CPNE8: variants seen among roughly 807,000 people sequenced by gnomAD.
CPNE8 encodes copine 8.
CPNE8 carries 45 observed loss-of-function variants against 81.5 expected under a neutral mutation model. The ratio of observed to expected loss-of-function variants is 0.55; its 90% CI spans 0.44 to 0.71. The LOEUF (loss-of-function observed/expected upper bound fraction) is 0.71, where lower values mean the gene tolerates loss of function less well. Among genes scored for constraint, CPNE8 ranks in the 30% least tolerant of loss-of-function variants. CPNE8 has a pLI of 0.00. For missense variants in CPNE8, 594 were observed against 672.1 expected (o/e 0.88, Z 1.28); for synonymous variants, 252 against 226.3 (o/e 1.11, Z -1.02).
chr12:38,763,649 A>G lies in CPNE8; in HGVS notation c.576-1433T>C, dbSNP rs190175305. The stretch of plus-strand genomic sequence containing the variant: ...CAAATTCCAGTGTCATTTCCACAAA[A>G]CTATTCAATCTTAAGACATCAATCA... On this transcript the variant is annotated intron_variant, in intron 8 of 19. Transcript: ENST00000331366. Among the ~76,000 whole-genome samples, 246 of 152,294 alleles carry G rather than the reference A, an allele frequency of 1.6e-3. 2 individuals carry two copies. Among genetic ancestry groups the G allele is most frequent in the African/African-American group, 5.6e-3 (233 of 41,570 alleles).
At chr12:38,807,170 T>C (rs1017125592) in intron 6 of CPNE8, among the ~76,000 whole-genome samples, 1 of 151,562 alleles carries the variant, frequency 6.6e-6, no homozygotes, top group Non-Finnish European at 1.5e-5. Flanking sequence ...AAAATGGCCA[T>C]ACTGCCCAAG....
chr12:38,726,324 T>C (rs1940696431), intron 11 of CPNE8: 1 of 151,604 alleles, frequency 6.6e-6, no homozygotes, highest in Admixed American at 6.6e-5. Context: ...CAGATTTAAG[T>C]AGAAAATCTA....
intron 4 of CPNE8, among the ~76,000 whole-genome samples, chr12:38,842,031 G>GC (rs1943476257): frequency 7.9e-6 from 1 of 127,182 alleles, no homozygotes; most frequent in South Asian, 2.4e-4. Context: ...TTTTACAATA[G>GC]CAAAAAAAAA....
chr12:38,793,458 A>G (rs1942377466), intron 6 of CPNE8, among the ~76,000 whole-genome samples: 1 of 151,918 alleles, frequency 6.6e-6, no homozygotes. Flanking sequence ...AAATTAAGAT[A>G]ATTTCATTTA....
chr12:38,830,658 T>C (rs1943270978), intron 5 of CPNE8, among the ~76,000 whole-genome samples: 2 of 152,204 alleles, frequency 1.3e-5, no homozygotes, highest in Admixed American at 1.3e-4. Context: ...AGAGGATTAA[T>C]GGCAAACAAA....
At chr12:38,866,300 A>G (rs1943912663) in intron 3 of CPNE8, among the ~76,000 whole-genome samples, 1 of 152,228 alleles carries the variant, frequency 6.6e-6, no homozygotes, top group African/African-American at 2.4e-5. Flanking sequence ...AAAGAAATAT[A>G]GTTGCTGTAG....
chr12:38,663,429 G>A (rs1055871961), intron 19 of CPNE8, among the ~76,000 whole-genome samples: 2 of 152,044 alleles, frequency 1.3e-5, no homozygotes, highest in African/African-American at 4.8e-5. Flanking sequence ...ATTTATCAGA[G>A]AAATGCAAAT....
chr12:38,784,365 G>A (rs1304668882), intron 6 of CPNE8, among the ~76,000 whole-genome samples: 2 of 151,990 alleles, frequency 1.3e-5, no homozygotes, highest in Non-Finnish European at 2.9e-5. Flanking sequence ...ATGCCTACAG[G>A]ATCTAGAAAA....
chr12:38,686,940 T>C (rs1336364822), intron 15 of CPNE8, among the ~76,000 whole-genome samples: 5 of 152,208 alleles, frequency 3.3e-5, no homozygotes, highest in Non-Finnish European at 5.9e-5. Flanking sequence ...AGAAATGAGT[T>C]ACTAAGTCTA....
intron 10 of CPNE8, among the ~76,000 whole-genome samples, chr12:38,737,036 A>G (rs182988011): frequency 6.6e-6 from 1 of 152,152 alleles, no homozygotes; most frequent in Non-Finnish European, 1.5e-5. Flanking sequence ...AATCTCTAGA[A>G]AAGGAAGTCT....
intron 13 of CPNE8, among the ~76,000 whole-genome samples, chr12:38,709,979 TA>T (rs1314281413): frequency 2.0e-5 from 3 of 151,702 alleles, no homozygotes; most frequent in Non-Finnish European, 4.4e-5. Context: ...AAAGTAACAA[TA>T]AAAAAAATAA....
At chr12:38,665,785 A>C (rs1172550721) in intron 19 of CPNE8, among the ~76,000 whole-genome samples, 1 of 152,174 alleles carries the variant, frequency 6.6e-6, no homozygotes, top group African/African-American at 2.4e-5. Context: ...ATATTGACTT[A>C]TGACAAGGTA....
chr12:38,719,620 C>T (rs1457547614), intron 13 of CPNE8, among the ~76,000 whole-genome samples: 1 of 149,910 alleles, frequency 6.7e-6, no homozygotes. Context: ...GAAATTGTGC[C>T]AATTGCTCTT....
intron 13 of CPNE8, among the ~76,000 whole-genome samples, chr12:38,709,586 C>A (rs1012145641): frequency 2.0e-5 from 3 of 152,138 alleles, no homozygotes; most frequent in Non-Finnish European, 2.9e-5. Context: ...AAGAACCTGT[C>A]CTTTAGAAGG....
intron 11 of CPNE8, among the ~76,000 whole-genome samples, chr12:38,726,750 T>A (rs928103668): frequency 1.3e-5 from 2 of 152,152 alleles, no homozygotes; most frequent in Non-Finnish European, 2.9e-5. Flanking sequence ...TTAGAAGAGG[T>A]TTTTCCTAAA....
At chr12:38,816,666 T>C (rs1565632801) in intron 6 of CPNE8, among the ~76,000 whole-genome samples, 1 of 152,222 alleles carries the variant, frequency 6.6e-6, no homozygotes, top group Non-Finnish European at 1.5e-5. Context: ...AGCCAGAAAT[T>C]GTATATTTAT....
chr12:38,670,588 A>G (rs1405859721), intron 19 of CPNE8, 141 bp downstream of exon 19: 3 of 565,052 alleles, frequency 5.3e-6, no homozygotes, highest in African/African-American at 3.9e-5. Flanking sequence ...CTACCAGATT[A>G]AAATATATTT....
chr12:38,840,631 A>C, intron 4 of CPNE8, among the ~76,000 whole-genome samples: 1 of 152,198 alleles, frequency 6.6e-6, no homozygotes, highest in African/African-American at 2.4e-5. Flanking sequence ...TTTTTACTTA[A>C]TATCTTAAAT....
chr12:38,696,771 A>G (rs1770912167), intron 14 of CPNE8, among the ~76,000 whole-genome samples: 2 of 152,202 alleles, frequency 1.3e-5, no homozygotes, highest in African/African-American at 2.4e-5. Context: ...TCAGCTGGGC[A>G]TGGTGGCTCA....
Sources: gnomAD v4.1 joint callset for allele counts (sites outside exome capture counted in the v4.1 genomes callset) on GRCh38, gnomAD v4.1.1 for gene constraint, MANE v1.5 for transcripts, NCBI Gene and HGNC (gene_info 2026-07-23, HGNC 2026-07-21) for gene names.